Variants in DPP6 observed in about 807,000 individuals in gnomAD.
The protein encoded by DPP6 is A-type potassium channel modulatory protein DPP6.
Under a neutral mutation model 122.6 loss-of-function variants are expected in DPP6, and 69 were observed. The ratio of observed to expected loss-of-function variants is 0.56; its 90% confidence interval spans 0.46 to 0.69. The LOEUF (loss-of-function observed/expected upper bound fraction) is 0.69, where lower values mean the gene tolerates loss of function less well. DPP6 is among the 30% of genes least tolerant of loss of function. The probability of loss-of-function intolerance (pLI) is 0.00; values close to 1 mark genes in which losing one functional copy is unlikely to be tolerated. For synonymous variants in DPP6, 418 were observed against 433.1 expected (o/e 0.97, Z 0.43); for missense variants, 928 against 1,116.9 (o/e 0.83, Z 2.41).
intron 1 of DPP6, among the ~76,000 whole-genome samples, chr7:154,351,950 G>C (rs974060825): frequency 6.6e-6 from 1 of 152,112 alleles, no homozygotes; most frequent in Non-Finnish European, 1.5e-5. Flanking sequence ...GAGTGAGGAT[G>C]ATGACATCCC....
upstream of DPP6, among the ~76,000 whole-genome samples, chr7:154,051,566 G>C (rs188551913): frequency 6.9e-6 from 1 of 145,514 alleles, no homozygotes; most frequent in African/African-American, 2.6e-5. Flanking sequence ...AGGCAAGCCC[G>C]AGAGCGCGCG....
intron 1 of DPP6, among the ~76,000 whole-genome samples, chr7:154,367,456 A>G (rs1422362934): frequency 6.6e-6 from 1 of 152,232 alleles, no homozygotes; most frequent in Non-Finnish European, 1.5e-5. Context: ...GCATTCAAAT[A>G]TCTGGCATTT....
At chr7:153,884,231 G>A (rs1180139664), upstream of DPP6, among the ~76,000 whole-genome samples, 2 of 152,208 alleles carry the variant, frequency 1.3e-5, no homozygotes, top group African/African-American at 4.8e-5. Flanking sequence ...TCATTGTTCA[G>A]TTCCCACCTA....
intron 7 of DPP6, among the ~76,000 whole-genome samples, chr7:154,693,719 G>A (rs185152403): frequency 7.2e-5 from 11 of 152,222 alleles, no homozygotes; most frequent in Admixed American, 4.6e-4. Flanking sequence ...AAACCCTGAC[G>A]TGTGACATCA....
At chr7:154,831,420 A>G (rs190739022) in intron 16 of DPP6, among the ~76,000 whole-genome samples, 118 of 152,320 alleles carry the variant, frequency 7.7e-4, no homozygotes, top group African/African-American at 2.6e-3. Context: ...AGGGGAAAAA[A>G]AACTCTTTAT....
In DPP6 at chr7:153,914,920, G is replaced by A. The variant is rs551937346; in HGVS notation, c.51+27186G>A. Among the ~76,000 whole-genome samples, 5 of 152,272 alleles carry A rather than the reference G, an allele frequency of 3.3e-5. No individual in the cohort carries two copies. The South Asian group carries it at 1.0e-3, about 32-fold the overall frequency. ...ATCTCTCCCAGTCTCATCCATAACT[G>A]GGTCTGAACTCTTGCTTTTATTTAT... On this transcript the variant is annotated intron_variant, in intron 1 of 25. Transcript: ENST00000404039.
intron 16 of DPP6, among the ~76,000 whole-genome samples, chr7:154,827,729 G>C (rs1310450532): frequency 8.1e-6 from 1 of 123,072 alleles, no homozygotes; most frequent in African/African-American, 3.0e-5. Flanking sequence ...GGCTGGCGGG[G>C]GGGGGGTGGT....
At chr7:154,345,639 C>CTTTG (rs1300723259) in intron 1 of DPP6, among the ~76,000 whole-genome samples, 2 of 152,136 alleles carry the variant, frequency 1.3e-5, no homozygotes, top group Non-Finnish European at 2.9e-5. Flanking sequence ...CTACCTTGGG[C>CTTTG]TTTGCTGTTC....
intron 1 of DPP6, among the ~76,000 whole-genome samples, chr7:154,032,596 AC>A: frequency 6.6e-6 from 1 of 152,308 alleles, no homozygotes; most frequent in East Asian, 1.9e-4. Context: ...CAATATAAAT[AC>A]ATTTTATTTT....
At chr7:154,544,806 A>G (rs1829030502) in intron 4 of DPP6, among the ~76,000 whole-genome samples, 1 of 152,228 alleles carries the variant, frequency 6.6e-6, no homozygotes, top group Non-Finnish European at 1.5e-5. Flanking sequence ...AGGCTAGACC[A>G]AAGAGCCTGG....
the DPP6 span, among the ~76,000 whole-genome samples, chr7:153,808,275 G>T: frequency 7.1e-6 from 1 of 140,530 alleles, no homozygotes; most frequent in African/African-American, 2.6e-5. Flanking sequence ...CTGTGTGTGC[G>T]CACGTGTGTG....
intron 1 of DPP6, among the ~76,000 whole-genome samples, chr7:154,007,496 A>G (rs1033759450): frequency 1.3e-5 from 2 of 152,134 alleles, no homozygotes; most frequent in African/African-American, 4.8e-5. Context: ...AGGCAAAATC[A>G]CCTCTAATTG....
intron 1 of DPP6, among the ~76,000 whole-genome samples, chr7:153,960,078 A>G (rs191571369): frequency 6.6e-6 from 1 of 151,950 alleles, no homozygotes; most frequent in East Asian, 1.9e-4. Flanking sequence ...AATCAAGCAA[A>G]TGAGGTGTGT....
intron 1 of DPP6, among the ~76,000 whole-genome samples, chr7:154,126,228 C>G (rs1159647961): frequency 1.3e-5 from 2 of 152,182 alleles, no homozygotes; most frequent in South Asian, 4.1e-4. Flanking sequence ...GTGAATAGAA[C>G]TTAGCATTTT....
At chr7:154,447,076 C>T (rs550515064) in intron 2 of DPP6, among the ~76,000 whole-genome samples, 8 of 152,198 alleles carry the variant, frequency 5.3e-5, no homozygotes, top group South Asian at 2.1e-4. Flanking sequence ...GGGACTGAGG[C>T]GGGTAGATCG....
intron 3 of DPP6, among the ~76,000 whole-genome samples, chr7:154,500,163 G>A (rs1005794127): frequency 2.0e-5 from 3 of 152,088 alleles, no homozygotes; most frequent in African/African-American, 7.2e-5. Context: ...CAAAGCCACA[G>A]GGAACAAAAT....
intron 3 of DPP6, among the ~76,000 whole-genome samples, chr7:154,479,243 G>T (rs1823016699): frequency 6.6e-6 from 1 of 152,170 alleles, no homozygotes; most frequent in Non-Finnish European, 1.5e-5. Flanking sequence ...CAAGCCAAAT[G>T]AGGTGTGTAA....
intron 5 of DPP6, among the ~76,000 whole-genome samples, chr7:154,609,638 C>T (rs1344101175): frequency 6.6e-6 from 1 of 152,148 alleles, no homozygotes; most frequent in African/African-American, 2.4e-5. Context: ...TACATGAGCA[C>T]ACACACATTT....
At chr7:154,847,404 G>C (rs1055624302) in intron 16 of DPP6, among the ~76,000 whole-genome samples, 1 of 152,146 alleles carries the variant, frequency 6.6e-6, no homozygotes. Flanking sequence ...GAGAGGACTG[G>C]GATTAGGGAA....
Sources: gnomAD v4.1 joint callset for allele counts (sites outside exome capture counted in the v4.1 genomes callset) on GRCh38, gnomAD v4.1.1 for gene constraint, MANE v1.5 for transcripts, NCBI Gene and HGNC (gene_info 2026-07-23, HGNC 2026-07-21) for gene names.